Variants in NRXN3 observed in about 807,000 individuals in gnomAD.
The protein encoded by NRXN3 is neurexin III.
A neutral mutation model predicts 137.6 loss-of-function variants in NRXN3; 32 were observed. That is an observed-to-expected ratio of 0.23 (90% CI 0.18 to 0.31). The LOEUF (loss-of-function observed/expected upper bound fraction) is 0.31, where lower values mean the gene tolerates loss of function less well. Among genes scored for constraint, NRXN3 ranks in the 10% least tolerant of loss-of-function variants. The probability of loss-of-function intolerance (pLI) is 1.00; values close to 1 mark genes in which losing one functional copy is unlikely to be tolerated. For missense variants in NRXN3, 1,574 were observed against 2,062.5 expected, an observed-to-expected ratio of 0.76 and a Z score of 4.59; for synonymous variants, 798 against 784.5, an observed-to-expected ratio of 1.02 and a Z score of -0.29.
intron 15 of NRXN3, among the ~76,000 whole-genome samples, chr14:79,304,703 CAAGTT>C (rs1170851581): frequency 6.6e-6 from 1 of 152,022 alleles, no homozygotes; most frequent in Admixed American, 6.6e-5. Context: ...AGAAATAGCT[CAAGTT>C]AAGTTCTGCT....
chr14:79,322,217 A>G (rs1429582276), intron 15 of NRXN3, among the ~76,000 whole-genome samples: 1 of 152,216 alleles, frequency 6.6e-6, no homozygotes, highest in African/African-American at 2.4e-5. Context: ...AAGTAAACCA[A>G]TCAACATTTT....
At chr14:79,480,334 A>G (rs2153636763) in intron 16 of NRXN3, among the ~76,000 whole-genome samples, 1 of 152,282 alleles carries the variant, frequency 6.6e-6, no homozygotes, top group East Asian at 1.9e-4. Context: ...TTGCATGGCT[A>G]AACAGCAAAG....
intron 4 of NRXN3, among the ~76,000 whole-genome samples, chr14:78,531,225 G>A (rs1299847662): frequency 6.6e-6 from 1 of 152,172 alleles, no homozygotes; most frequent in Non-Finnish European, 1.5e-5. Flanking sequence ...AAATGTCAGA[G>A]TTAGCCTACC....
At chr14:78,756,209 C>T (rs973699410) in intron 8 of NRXN3, among the ~76,000 whole-genome samples, 5 of 152,194 alleles carry the variant, frequency 3.3e-5, no homozygotes, top group African/African-American at 4.8e-5. Context: ...GTTCACTAGC[C>T]GGGTGCGGTG....
Position 79,146,482 on chromosome 14 carries a change from A to C in NRXN3, c.3262+158341A>C, listed in dbSNP as rs563076499. Reference sequence around the variant, plus strand: ...TATTTTCATTTTAGATAAAGTTATAATATCTGATAAGATAGCATGGAAGGA... The same window carrying C: ...TATTTTCATTTTAGATAAAGTTATACTATCTGATAAGATAGCATGGAAGGA... On this transcript the variant is annotated intron_variant, in intron 15 of 20. Transcript: ENST00000335750. 9.2e-5 allele frequency among the ~76,000 whole-genome samples: 14 copies of C among 152,262 alleles called. No homozygotes were observed. In the South Asian group the frequency reaches 2.9e-3, roughly 32 times the overall value.
chr14:79,513,427 G>A (rs1321340353), intron 16 of NRXN3, among the ~76,000 whole-genome samples: 1 of 152,184 alleles, frequency 6.6e-6, no homozygotes, highest in East Asian at 1.9e-4. Flanking sequence ...TGAGCTCCCA[G>A]GAAGAGCAAT....
chr14:78,528,984 A>T (rs918423129), intron 4 of NRXN3, among the ~76,000 whole-genome samples: 1 of 152,018 alleles, frequency 6.6e-6, no homozygotes, highest in Non-Finnish European at 1.5e-5. Flanking sequence ...ATAGCCCCTT[A>T]TTTTTCACAT....
intron 15 of NRXN3, among the ~76,000 whole-genome samples, chr14:79,264,419 A>G (rs959282475): frequency 2.0e-5 from 3 of 152,132 alleles, no homozygotes; most frequent in Non-Finnish European, 4.4e-5. Flanking sequence ...TCACAGTTTT[A>G]GAGGCTGGAA....
intron 8 of NRXN3, among the ~76,000 whole-genome samples, chr14:78,750,139 C>T (rs1475491297): frequency 6.6e-6 from 1 of 152,184 alleles, no homozygotes; most frequent in Non-Finnish European, 1.5e-5. Flanking sequence ...TAAAGCCCAC[C>T]ACTGCAAAAG....
At chr14:78,633,267 A>AAAGAG (rs1376443966) in intron 4 of NRXN3, among the ~76,000 whole-genome samples, 1 of 150,084 alleles carries the variant, frequency 6.7e-6, no homozygotes, top group African/African-American at 2.5e-5. Context: ...AAAAAAAAAA[A>AAAGAG]AGAGACTGGT....
chr14:79,463,816 T>C (rs2096384930), intron 15 of NRXN3, among the ~76,000 whole-genome samples: 1 of 152,116 alleles, frequency 6.6e-6, no homozygotes, highest in Non-Finnish European at 1.5e-5. Context: ...GGAGAAAGCA[T>C]GTAATGTGGT....
intron 6 of NRXN3, among the ~76,000 whole-genome samples, chr14:78,666,098 T>G (rs1192231440): frequency 1.3e-5 from 2 of 152,174 alleles, no homozygotes; most frequent in African/African-American, 4.8e-5. Context: ...ATTTTTTCTT[T>G]TAAAAATTGT....
At chr14:78,735,168 G>T (rs2152913076) in intron 8 of NRXN3, among the ~76,000 whole-genome samples, 1 of 152,296 alleles carries the variant, frequency 6.6e-6, no homozygotes, top group East Asian at 1.9e-4. Flanking sequence ...TAGCACTTGA[G>T]ATGTCAAAGA....
chr14:78,831,690 A>G (rs2098982849), intron 10 of NRXN3, among the ~76,000 whole-genome samples: 1 of 151,942 alleles, frequency 6.6e-6, no homozygotes, highest in Non-Finnish European at 1.5e-5. Flanking sequence ...GTCCCAATTC[A>G]CTTTGTCTTT....
chr14:79,719,991 T>C lies in NRXN3; in HGVS notation c.4014+22054T>C, dbSNP rs185229710. ...CCACTTTATCTACCTGGAAAAGTAA[T>C]AATCCCTCAAGACTAAGTTGAAATA... On this transcript the variant is annotated intron_variant, in intron 19 of 20. Transcript: ENST00000335750. Among the ~76,000 whole-genome samples, 5 of 152,204 alleles carry C rather than the reference T, an allele frequency of 3.3e-5. No homozygotes were observed. The East Asian group carries it at 7.7e-4, about 24-fold the overall frequency.
intron 4 of NRXN3, among the ~76,000 whole-genome samples, chr14:78,301,840 T>C (rs1316568141): frequency 6.6e-6 from 1 of 152,208 alleles, no homozygotes; most frequent in Non-Finnish European, 1.5e-5. Flanking sequence ...AGCAGTTCAG[T>C]CCTTTCCACT....
chr14:78,925,771 C>T (rs984860577), intron 10 of NRXN3, among the ~76,000 whole-genome samples: 1 of 152,176 alleles, frequency 6.6e-6, no homozygotes, highest in African/African-American at 2.4e-5. Context: ...CATAAAAACC[C>T]GCCAAGGAGG....
chr14:79,316,081 C>T (rs1465845746), intron 15 of NRXN3, among the ~76,000 whole-genome samples: 3 of 152,144 alleles, frequency 2.0e-5, no homozygotes, highest in Non-Finnish European at 4.4e-5. Flanking sequence ...CTGGGACTCC[C>T]GAATCGCGAG....
At chr14:78,977,329 C>T (rs370200926) in intron 14 of NRXN3, among the ~76,000 whole-genome samples, 3 of 152,276 alleles carry the variant, frequency 2.0e-5, no homozygotes, top group African/African-American at 7.2e-5. Context: ...ATAATATTTG[C>T]ACAATGTTAG....
Sources: allele counts gnomAD v4.1 joint callset (sites outside exome capture counted in the v4.1 genomes callset), GRCh38; gene constraint gnomAD v4.1.1; transcripts MANE v1.5; gene names NCBI Gene and HGNC (gene_info 2026-07-23, HGNC 2026-07-21).